Variants in NUBPL observed in about 807,000 individuals in gnomAD.
The protein encoded by NUBPL is NUBP iron-sulfur cluster assembly factor, mitochondrial, also known as iron-sulfur cluster transfer protein NUBPL.
NUBPL carries 31 observed loss-of-function variants against 45.7 expected under a neutral mutation model. The ratio of observed to expected loss-of-function variants is 0.68; its 90% CI spans 0.51 to 0.92. NUBPL has a LOEUF of 0.92. NUBPL is among the 40% of genes least tolerant of loss of function. NUBPL has a pLI of 0.00. For missense variants in NUBPL, 401 were observed against 398.7 expected, an observed-to-expected ratio of 1.01 and a Z score of -0.05; for synonymous variants, 144 against 140.9, an observed-to-expected ratio of 1.02 and a Z score of -0.15.
chr14:31,693,800 TAAA>T (rs60070958), intron 6 of NUBPL, among the ~76,000 whole-genome samples: 1,449 of 94,608 alleles, frequency 0.015, 14 homozygotes, highest in Middle Eastern at 0.052. Flanking sequence ...AAGACAAAAT[TAAA>T]AAAAAAAAAA....
chr14:31,562,143 C>T lies in NUBPL; in HGVS notation c.184C>T (p.Pro62Ser). The T allele has an allele frequency of 6.2e-7, 1 of 1,613,806 alleles. No individual in the cohort carries two copies. The highest frequency in any genetic ancestry group is 8.5e-7 in the Non-Finnish European group (1 of 1,179,870). ...GTCCCGAGGACTTCCAAAGCAGAAA[C>T]CGATAGAAGGTGTTAAACAAGTTAT... ...IMSRGLPKQKPIEGVKQVIVV... is the reference protein window; with the variant it reads ...IMSRGLPKQKSIEGVKQVIVV... Residue 62 changes from proline to serine, a missense_variant, in exon 2 of 11, where the codon CCG becomes TCG. Physicochemically the swap from Pro to Ser is moderately conservative, Grantham distance 74 (BLOSUM62 -1). Transcript: ENST00000281081.
At chr14:31,604,791 G>A (rs984673795) in intron 4 of NUBPL, among the ~76,000 whole-genome samples, 2 of 152,102 alleles carry the variant, frequency 1.3e-5, no homozygotes, top group East Asian at 1.9e-4. Flanking sequence ...GTTTCTGTTC[G>A]ATTTTAAAAA....
chr14:31,747,939 A>G (rs1352007831), intron 6 of NUBPL, among the ~76,000 whole-genome samples: 1 of 151,928 alleles, frequency 6.6e-6, no homozygotes, highest in Non-Finnish European at 1.5e-5. Context: ...GTGTTTCTTG[A>G]TGGTAAACTT....
intron 10 of NUBPL, among the ~76,000 whole-genome samples, chr14:31,851,929 A>G (rs1486439052): frequency 6.6e-6 from 1 of 152,204 alleles, no homozygotes; most frequent in Non-Finnish European, 1.5e-5. Flanking sequence ...GAAGTAAGAA[A>G]CATTTCATTG....
At chr14:31,670,847 C>T (rs1040261492) in intron 4 of NUBPL, among the ~76,000 whole-genome samples, 1 of 152,086 alleles carries the variant, frequency 6.6e-6, no homozygotes, top group Admixed American at 6.6e-5. Context: ...GTTTTTGTAC[C>T]AGTACCATGC....
At chr14:31,824,035 G>A (rs182472746) in intron 7 of NUBPL, among the ~76,000 whole-genome samples, 205 of 152,086 alleles carry the variant, frequency 1.3e-3, no homozygotes, top group African/African-American at 4.7e-3. Context: ...TAGCCTTTAG[G>A]AAAATGACCT....
chr14:31,649,305 C>T (rs1209596222), intron 4 of NUBPL, among the ~76,000 whole-genome samples: 1 of 152,006 alleles, frequency 6.6e-6, no homozygotes, highest in Non-Finnish European at 1.5e-5. Context: ...GCAAGGCTAC[C>T]CTGTCGCTCA....
At chr14:31,648,927 G>T (rs933307817) in intron 4 of NUBPL, among the ~76,000 whole-genome samples, 19 of 152,180 alleles carry the variant, frequency 1.2e-4, no homozygotes, top group African/African-American at 4.1e-4. Context: ...TCTTGCCTCT[G>T]CCTCCCCAGT....
intron 6 of NUBPL, among the ~76,000 whole-genome samples, chr14:31,703,453 T>A (rs2037380801): frequency 6.6e-6 from 1 of 152,206 alleles, no homozygotes; most frequent in South Asian, 2.1e-4. Context: ...TTAGTCTGTT[T>A]TCACACTGCT....
At chr14:31,656,961 G>C (rs1290621890) in intron 4 of NUBPL, among the ~76,000 whole-genome samples, 1 of 152,218 alleles carries the variant, frequency 6.6e-6, no homozygotes, top group Non-Finnish European at 1.5e-5. Context: ...TTGAATGAGT[G>C]AGTGAGGAGA....
chr14:31,816,228 G>T lies in NUBPL; in HGVS notation c.608-10401G>T, dbSNP rs2039912910. Among the ~76,000 whole-genome samples, 3 of 152,236 alleles carry T rather than the reference G, an allele frequency of 2.0e-5. No individual in the cohort carries two copies. The South Asian group carries it at 6.2e-4, about 32-fold the overall frequency. ...GTTTCAGAACTTACTGGTCTATTCA[G>T]GGATTCAACTTTTTCCTGATTTAGT... On this transcript the variant is annotated intron_variant, in intron 7 of 10. Coordinates refer to ENST00000281081, the MANE Select transcript of NUBPL (RefSeq NM_025152.3).
intron 4 of NUBPL, among the ~76,000 whole-genome samples, chr14:31,660,276 G>A (rs887856651): frequency 2.3e-4 from 35 of 152,238 alleles, no homozygotes; most frequent in African/African-American, 8.4e-4. Context: ...AATAGGTAGA[G>A]CATTGTAAAC....
At chr14:31,569,660 T>C (rs964408734) in intron 3 of NUBPL, among the ~76,000 whole-genome samples, 1 of 152,206 alleles carries the variant, frequency 6.6e-6, no homozygotes, top group Non-Finnish European at 1.5e-5. Flanking sequence ...ATGGTGTGCC[T>C]GAGCCAGTGC....
intron 6 of NUBPL, among the ~76,000 whole-genome samples, chr14:31,757,687 T>A (rs1022917684): frequency 6.6e-6 from 1 of 152,202 alleles, no homozygotes; most frequent in Admixed American, 6.5e-5. Flanking sequence ...TGATAAATAG[T>A]ACATGAGGGT....
intron 4 of NUBPL, among the ~76,000 whole-genome samples, chr14:31,624,266 ATATAT>A (rs549554974): frequency 5.3e-5 from 8 of 152,186 alleles, no homozygotes; most frequent in Non-Finnish European, 1.2e-4. Flanking sequence ...GACTATGTAG[ATATAT>A]TATCCATCAG....
chr14:31,599,999 G>A (rs2034387502), intron 4 of NUBPL, among the ~76,000 whole-genome samples: 1 of 147,304 alleles, frequency 6.8e-6, no homozygotes, highest in Non-Finnish European at 1.5e-5. Context: ...TCGGCTCACT[G>A]CAACCTCTGC....
intron 6 of NUBPL, among the ~76,000 whole-genome samples, chr14:31,700,632 A>G (rs997559180): frequency 6.6e-6 from 1 of 151,996 alleles, no homozygotes; most frequent in African/African-American, 2.4e-5. Flanking sequence ...CGGGCCCTGC[A>G]CTTCGAGCGG....
intron 6 of NUBPL, among the ~76,000 whole-genome samples, chr14:31,768,976 T>C (rs1329818214): frequency 6.6e-6 from 1 of 152,126 alleles, no homozygotes; most frequent in African/African-American, 2.4e-5. Context: ...AGCTTGAGGA[T>C]TGTAACCCAG....
intron 4 of NUBPL, among the ~76,000 whole-genome samples, chr14:31,627,571 G>A (rs1039149363): frequency 2.6e-5 from 4 of 151,946 alleles, no homozygotes; most frequent in African/African-American, 9.7e-5. Context: ...GAGGTCAGGA[G>A]ATCGAGACCA....
Sources: allele counts gnomAD v4.1 joint callset (sites outside exome capture counted in the v4.1 genomes callset), GRCh38; gene constraint gnomAD v4.1.1; transcripts MANE v1.5; gene names NCBI Gene and HGNC (gene_info 2026-07-23, HGNC 2026-07-21).